Variants in RNF115 observed in about 807,000 individuals in gnomAD.
RNF115 encodes the protein E3 ubiquitin-protein ligase RNF115.
RNF115 carries 31 observed loss-of-function variants against 39.2 expected under a neutral mutation model. The ratio of observed to expected loss-of-function variants is 0.79; its 90% CI spans 0.59 to 1.07. RNF115 has a LOEUF of 1.07. Ranked by LOEUF, RNF115 falls within the 50% of genes least tolerant of loss-of-function variation. The pLI is 0.00. For missense variants in RNF115, 384 were observed against 381.7 expected, an observed-to-expected ratio of 1.01 and a Z score of -0.05; for synonymous variants, 124 against 131.0, an observed-to-expected ratio of 0.95 and a Z score of 0.37.
At chr1:145,755,166 C>T (rs1658251287) in intron 4 of RNF115, among the ~76,000 whole-genome samples, 3 of 151,286 alleles carry the variant, frequency 2.0e-5, no homozygotes, top group Non-Finnish European at 4.4e-5. Context: ...CACTTGAACC[C>T]AGGAGGAGGA....
At chr1:145,779,504 T>A (rs1173456631) in intron 3 of RNF115, among the ~76,000 whole-genome samples, 17 of 152,032 alleles carry the variant, frequency 1.1e-4, no homozygotes, top group Non-Finnish European at 1.9e-4. Flanking sequence ...GAGAGACAAG[T>A]AAAAGGTTTA....
In RNF115 at chr1:145,746,785, C is replaced by G. The variant is rs1657893032; in HGVS notation, c.*81G>C. ...GTTTCTTACATATTCCTAAATCCAT[C>G]TACTAATTTTTTGTTTTGATACAAT... is the stretch of plus-strand genomic sequence containing the variant. On this transcript the variant is annotated 3_prime_UTR_variant, in exon 9 of 9. Transcript: ENST00000582693. The G allele has an allele frequency of 2.2e-6, 3 of 1,375,476 alleles. No homozygotes were observed. Among genetic ancestry groups the G allele is most frequent in the East Asian group, 4.7e-5 (2 of 42,826 alleles). 85.2% of individuals were successfully genotyped at this position (1,375,476 alleles called of 1,614,324 possible).
chr1:145,804,778 TAATG>T (rs1252714733), intron 1 of RNF115, among the ~76,000 whole-genome samples: 8 of 152,196 alleles, frequency 5.3e-5, no homozygotes, highest in Non-Finnish European at 1.0e-4. Flanking sequence ...CATGCTGCTT[TAATG>T]AATGATTTTT....
rs1334257987 is a variant in RNF115, at chr1:145,774,383, T to TCAA, written c.220-2465_220-2464insTTG. On this transcript the variant is annotated intron_variant, in intron 3 of 8. Transcript: ENST00000582693. ...TTTCCTTTTTGAGATGGAGTCTTGC[T>TCAA]CTGTTGCCCAGGCTGGGGTGCAGTG... 2.6e-3 allele frequency among the ~76,000 whole-genome samples: 389 copies of TCAA among 152,068 alleles called. 5 individuals carry two copies. The South Asian group carries it at 0.031, about 12-fold the overall frequency.
chr1:145,798,060 C>G (rs1458721786), intron 1 of RNF115, among the ~76,000 whole-genome samples: 1 of 152,134 alleles, frequency 6.6e-6, no homozygotes, highest in Non-Finnish European at 1.5e-5. Context: ...TTAACAGATA[C>G]ACAATTTACA....
At chr1:145,809,046 A>G (rs1553722074) in intron 1 of RNF115, among the ~76,000 whole-genome samples, 1 of 152,180 alleles carries the variant, frequency 6.6e-6, no homozygotes, top group African/African-American at 2.4e-5. Flanking sequence ...ATAAGCTCTC[A>G]TATGCAGAAA....
chr1:145,750,595 T>C, intron 6 of RNF115, 95 bp from the exon 7 acceptor site: 1 of 878,792 alleles, frequency 1.1e-6, no homozygotes. Context: ...GTGCAGACAT[T>C]AGGTATGTTA....
Position 145,743,799 on chromosome 1 carries a change from T to C in RNF115, c.*3067A>G, listed in dbSNP as rs1217754825. ...CCATCTCAAAAAATAAATAAATAAA[T>C]AAATAAATAAATAAATAATAATAAT... On this transcript the variant is annotated 3_prime_UTR_variant, in exon 9 of 9. Transcript: ENST00000582693. 5.1e-5 allele frequency: 2 copies of C among 39,258 alleles called. No homozygotes were observed. Among genetic ancestry groups the C allele is most frequent in the Admixed American group, 4.3e-4 (1 of 2,342 alleles). 2.4% of individuals were successfully genotyped at this position (39,258 alleles called of 1,614,324 possible).
intron 1 of RNF115, among the ~76,000 whole-genome samples, chr1:145,790,092 C>T (rs1415343478): frequency 6.6e-6 from 1 of 152,160 alleles, no homozygotes; most frequent in Non-Finnish European, 1.5e-5. Context: ...TTTCCACTGA[C>T]AGCTGAAAGG....
intron 1 of RNF115, among the ~76,000 whole-genome samples, chr1:145,811,355 C>CAAAAAAA (rs71829191): frequency 5.0e-4 from 30 of 60,018 alleles, no homozygotes; most frequent in African/African-American, 7.3e-4. Context: ...CCATCACTAC[C>CAAAAAAA]AAAAAAAAAA....
chr1:145,768,996 G>A (rs1206139001), intron 4 of RNF115, among the ~76,000 whole-genome samples: 2 of 152,164 alleles, frequency 1.3e-5, no homozygotes, highest in African/African-American at 2.4e-5. Context: ...TGATATACTG[G>A]TGCCTTGGAA....
chr1:145,791,342 T>C (rs1648656660), intron 1 of RNF115, among the ~76,000 whole-genome samples: 1 of 108,624 alleles, frequency 9.2e-6, no homozygotes. Context: ...AGAAACCCCA[T>C]CTCTACTTAA....
chr1:145,800,001 A>G (rs1553720660), intron 1 of RNF115, among the ~76,000 whole-genome samples: 11 of 152,318 alleles, frequency 7.2e-5, no homozygotes, highest in Non-Finnish European at 1.5e-5. Flanking sequence ...CTTTTTCTGC[A>G]TGAATTGAGA....
In RNF115 at chr1:145,743,289, G is replaced by C. The variant is rs1462183534; in HGVS notation, c.*3577C>G. On this transcript the variant is annotated 3_prime_UTR_variant, in exon 9 of 9. Coordinates refer to ENST00000582693, the MANE Select transcript of RNF115 (RefSeq NM_014455.4). ...TCTGAATAGAACAAGTAAGGGAGAA[G>C]TCCTCCTGCCTGACTGCTTGAACTA... The C allele has an allele frequency of 6.6e-6, 1 of 152,198 alleles. No individual in the cohort carries two copies. The highest frequency in any genetic ancestry group is 1.5e-5 in the Non-Finnish European group (1 of 68,112). 9.4% of individuals were successfully genotyped at this position (152,198 alleles called of 1,614,324 possible).
At chr1:145,785,090 C>T (rs1280684117) in intron 2 of RNF115, among the ~76,000 whole-genome samples, 1 of 152,142 alleles carries the variant, frequency 6.6e-6, no homozygotes, top group African/African-American at 2.4e-5. Flanking sequence ...TCTCCCCCTA[C>T]CCACCTTTCA....
At chr1:145,785,092 C>T (rs1329661997) in intron 2 of RNF115, among the ~76,000 whole-genome samples, 1 of 152,126 alleles carries the variant, frequency 6.6e-6, no homozygotes, top group African/African-American at 2.4e-5. Flanking sequence ...TCCCCCTACC[C>T]ACCTTTCAGG....
intron 1 of RNF115, among the ~76,000 whole-genome samples, chr1:145,812,041 T>C (rs1311272706): frequency 6.9e-6 from 1 of 144,412 alleles, no homozygotes; most frequent in African/African-American, 2.5e-5. Flanking sequence ...CTGAGAGGTC[T>C]GAGAATTAAC....
intron 3 of RNF115, among the ~76,000 whole-genome samples, chr1:145,777,680 T>C (rs1387566758): frequency 3.9e-5 from 6 of 152,042 alleles, no homozygotes; most frequent in African/African-American, 1.2e-4. Context: ...TAAAAACTAA[T>C]AGGGAACACT....
intron 5 of RNF115, 95 bp downstream of exon 5, chr1:145,752,883 G>A (rs770927383): frequency 4.5e-4 from 396 of 870,812 alleles, no homozygotes; most frequent in Admixed American, 1.2e-3. Flanking sequence ...CACCGCACCC[G>A]GCCTATGCAG....
Sources: allele counts gnomAD v4.1 joint callset (sites outside exome capture counted in the v4.1 genomes callset), GRCh38; gene constraint gnomAD v4.1.1; transcripts MANE v1.5; gene names NCBI Gene and HGNC (gene_info 2026-07-23, HGNC 2026-07-21).